KANSL3: variants seen among roughly 807,000 people sequenced by gnomAD.
KANSL3 encodes KAT8 regulatory NSL complex subunit 3.
A neutral mutation model predicts 89.2 loss-of-function variants in KANSL3; 16 were observed. The ratio of observed to expected loss-of-function variants is 0.18; its 90% CI spans 0.12 to 0.27. The LOEUF is 0.27. KANSL3 is among the 10% of genes least tolerant of loss of function. The pLI, the probability that KANSL3 is intolerant of heterozygous loss-of-function variation, is 1.00. For missense variants in KANSL3, 879 were observed against 1,110.6 expected (o/e 0.79, Z 2.96); for synonymous variants, 385 against 419.7 (o/e 0.92, Z 1.01).
chr2:96,628,308 A>G, intron 3 of KANSL3: 1 of 940,678 alleles, frequency 1.1e-6, no homozygotes, highest in Non-Finnish European at 1.3e-6. Context: ...CACTCTGGCC[A>G]GGCCACCCCA....
chr2:96,602,463 C>T lies in KANSL3; in HGVS notation c.2260-125G>A, dbSNP rs566452798. On this transcript the variant is annotated intron_variant, in intron 18 of 20. Transcript: ENST00000431828. ...GAGTGCCTACTACATGCAAGGTACT[C>T]TTCCAGGCATTTTGCATATATTATT... is the stretch of plus-strand genomic sequence containing the variant. 16 of 715,338 alleles carry T rather than the reference C, an allele frequency of 2.2e-5. 1 individual carries two copies. The South Asian group carries it at 2.3e-4, about 10-fold the overall frequency. The allele number at this position is 715,338 out of a possible 1,614,324, so 44.3% of individuals were successfully genotyped here.
Position 96,609,010 on chromosome 2 carries a change from C to G in KANSL3, c.1438G>C (p.Gly480Arg). The G allele has an allele frequency of 6.4e-7, 1 of 1,565,652 alleles. No homozygotes were observed. Among genetic ancestry groups the G allele is most frequent in the Non-Finnish European group, 8.7e-7 (1 of 1,154,830 alleles). ...GVLTRAEGHM[G>R]SEPRDQDAEK... ...GCATCCTGATCCCGAGGTTCAGAGC[C>G]CATGTGACCCTCAGCACGAGTGAGC... Residue 480 changes from glycine to arginine, a missense_variant, in exon 13 of 21, where the codon GGC becomes CGC. This residue lies in a region of KANSL3 where 317 missense variants were observed against 311.2 expected (regional missense o/e 1.02). Transcript: ENST00000431828.
downstream of KANSL3, among the ~76,000 whole-genome samples, chr2:96,592,965 T>G (rs1336117535): frequency 2.0e-5 from 3 of 151,646 alleles, no homozygotes; most frequent in African/African-American, 7.3e-5. Flanking sequence ...ATCGCGCCAT[T>G]GCACTCCAGC....
chr2:96,605,409 G>T lies in KANSL3; in HGVS notation c.1844C>A (p.Ser615Tyr). 2.5e-6 allele frequency: 4 copies of T among 1,613,992 alleles called. No homozygotes were observed. The highest frequency in any genetic ancestry group is 3.4e-6 in the Non-Finnish European group (4 of 1,179,882). Residue 615 changes from serine (S) to tyrosine (Y), a missense_variant, in exon 15 of 21, where the codon TCC becomes TAC. By Grantham distance (144) the Ser-to-Tyr change is moderately radical. Around this residue, in one of 6 missense-constraint regions of KANSL3, gnomAD observed 317 missense variants for 311.2 expected, o/e 1.02. Coordinates refer to ENST00000431828, the MANE Select transcript of KANSL3 (RefSeq NM_001115016.3). ...GGACACCTTGATCTTCGGTCGTTTG[G>T]AGGTCTTACTGCCAGGAAGGGGACT... Reference protein sequence around the residue: ...PSSPLPGSKTSKRPKIKVSLI... With the variant: ...PSSPLPGSKTYKRPKIKVSLI...
Position 96,626,378 on chromosome 2 carries a change from GAGGGAC to G in KANSL3, c.386+4928_386+4933del, listed in dbSNP as rs201655058. ...AATAAAGAGGGTGGGGGAGGGGAAGGAGGGACGATAACTCAAAGACCTTGGACTTAA... is the reference window on the plus strand; with the variant it reads ...AATAAAGAGGGTGGGGGAGGGGAAGGGATAACTCAAAGACCTTGGACTTAA... On this transcript the variant is annotated intron_variant, in intron 3 of 20. Transcript: ENST00000431828. Among the ~76,000 whole-genome samples, 751 of 152,068 alleles carry G rather than the reference GAGGGAC, an allele frequency of 4.9e-3. 4 individuals are homozygous for G. Among genetic ancestry groups the G allele is most frequent in the African/African-American group, 0.017 (719 of 41,454 alleles).
chr2:96,593,161 C>T, downstream of KANSL3: 1 of 438,192 alleles, frequency 2.3e-6, no homozygotes, highest in Admixed American at 2.5e-5. Flanking sequence ...GAAGCTGAAG[C>T]AATCCAAATG....
chr2:96,604,315 G>A lies in KANSL3; in HGVS notation c.2084C>T (p.Ala695Val), dbSNP rs2067638084. Reference protein sequence around the residue: ...PVPSVVSSSTAPSALHTLQSR... With the variant: ...PVPSVVSSSTVPSALHTLQSR... Reference sequence around the variant, plus strand: ...CTGCAGTGTGTGCAAGGCACTGGGTGCAGTGCTGCTGGAGACCACTGAAGG... The same window carrying A: ...CTGCAGTGTGTGCAAGGCACTGGGTACAGTGCTGCTGGAGACCACTGAAGG... The change falls in exon 17 of 21, where the codon GCA (alanine) becomes GTA (valine). Residue 695 changes from alanine (A) to valine (V), a missense_variant. Ala to Val is a moderately conservative substitution (Grantham distance 64). Around this residue, in one of 6 missense-constraint regions of KANSL3, gnomAD observed 317 missense variants for 311.2 expected, o/e 1.02. Transcript: ENST00000431828. The A allele has an allele frequency of 3.7e-6, 6 of 1,613,076 alleles. No individual in the cohort carries two copies. Among genetic ancestry groups the A allele is most frequent in the South Asian group, 1.1e-5 (1 of 91,080 alleles).
In KANSL3 at chr2:96,594,284, T is replaced by A. The variant is rs2066390999; in HGVS notation, c.*1327A>T. The A allele has an allele frequency of 6.6e-6, 1 of 152,234 alleles. No homozygotes were observed. Among genetic ancestry groups the A allele is most frequent in the Non-Finnish European group, 1.5e-5 (1 of 68,048 alleles). The allele number at this position is 152,234 out of a possible 1,614,324, so 9.4% of individuals were successfully genotyped here. Reference sequence around the variant, plus strand: ...GTGGAGTCACACTTGGGTTGCCTAATTTATTACCTTAACTAGAAACATTCT... The same window carrying A: ...GTGGAGTCACACTTGGGTTGCCTAAATTATTACCTTAACTAGAAACATTCT... On this transcript the variant is annotated 3_prime_UTR_variant, in exon 21 of 21. Transcript: ENST00000431828.
At chr2:96,581,974 T>C in the KANSL3 span, among the ~76,000 whole-genome samples, 1 of 152,218 alleles carries the variant, frequency 6.6e-6, no homozygotes, top group Non-Finnish European at 1.5e-5. Context: ...GGGGCCTCTT[T>C]CCTCTTGTCC....
In KANSL3 at chr2:96,593,674, G is replaced by T. The variant is rs2066358201; in HGVS notation, c.*1937C>A. ...ATTTATCATAAAGGCAGGTCGGCTTGTTAGTTTTTCTTTGTCCCCAGCATA... is the reference window on the plus strand; with the variant it reads ...ATTTATCATAAAGGCAGGTCGGCTTTTTAGTTTTTCTTTGTCCCCAGCATA... On this transcript the variant is annotated 3_prime_UTR_variant, in exon 21 of 21. Coordinates refer to ENST00000431828, the MANE Select transcript of KANSL3 (RefSeq NM_001115016.3). 9.3e-6 allele frequency: 2 copies of T among 215,220 alleles called. No individual in the cohort carries two copies. The highest frequency in any genetic ancestry group is 2.3e-5 in the African/African-American group (1 of 43,982). The allele number at this position is 215,220 out of a possible 1,614,324, so 13.3% of individuals were successfully genotyped here.
Position 96,610,813 on chromosome 2 carries a change from C to T in KANSL3, c.1232G>A (p.Cys411Tyr). 1 of 1,613,970 alleles carries T rather than the reference C, an allele frequency of 6.2e-7. No individual in the cohort carries two copies. Among genetic ancestry groups the T allele is most frequent in the African/African-American group, 1.3e-5 (1 of 75,038 alleles). Residue 411 changes from cysteine (C) to tyrosine (Y), a missense_variant, in exon 11 of 21, where the codon TGT (cysteine) becomes TAT (tyrosine). Around this residue, in one of 6 missense-constraint regions of KANSL3, gnomAD observed 198 missense variants for 260.3 expected, o/e 0.76. Coordinates refer to ENST00000431828, the MANE Select transcript of KANSL3 (RefSeq NM_001115016.3). ...LFVIGQNSLQCHPEAMEDFRE... is the reference protein window; with the variant it reads ...LFVIGQNSLQYHPEAMEDFRE... ...GAAGTCCTCCATGGCTTCAGGGTGA[C>T]ATTGAAGGGAATTCTGACCAATGAC...
At chr2:96,614,437 T>G (rs912129214) in intron 5 of KANSL3, among the ~76,000 whole-genome samples, 1 of 152,180 alleles carries the variant, frequency 6.6e-6, no homozygotes, top group African/African-American at 2.4e-5. Context: ...AGAAATAATT[T>G]TGCTAAAATG....
Position 96,594,514 on chromosome 2 carries a change from AG to A in KANSL3, c.*1096del, listed in dbSNP as rs1348944794. The A allele has an allele frequency of 6.6e-6, 1 of 152,236 alleles. No homozygotes were observed. Among genetic ancestry groups the A allele is most frequent in the Non-Finnish European group, 1.5e-5 (1 of 68,054 alleles). The allele number at this position is 152,236 out of a possible 1,614,324, so 9.4% of individuals were successfully genotyped here. ...GTCAATCATCTTCCCACTTGTAAGC[AG>A]GAAGACAAAAAGTCTCATGAAATAG... On this transcript the variant is annotated 3_prime_UTR_variant, in exon 21 of 21. Coordinates refer to ENST00000431828, the MANE Select transcript of KANSL3 (RefSeq NM_001115016.3).
intron 5 of KANSL3, among the ~76,000 whole-genome samples, chr2:96,617,982 C>CAA (rs540064575): frequency 2.9e-4 from 21 of 71,796 alleles, no homozygotes; most frequent in Admixed American, 6.3e-4. Context: ...GACTTTGTCT[C>CAA]AAAAAAAAAA....
intron 2 of KANSL3, among the ~76,000 whole-genome samples, chr2:96,636,487 T>C (rs900450305): frequency 2.0e-5 from 3 of 152,204 alleles, no homozygotes; most frequent in Admixed American, 1.3e-4. Context: ...CCTTCGTGTG[T>C]GAAACCAAGA....
chr2:96,595,043 T>C lies in KANSL3; in HGVS notation c.*568A>G, dbSNP rs1055934144. 1.3e-5 allele frequency: 2 copies of C among 152,498 alleles called. No homozygotes were observed. The highest frequency in any genetic ancestry group is 2.4e-5 in the African/African-American group (1 of 41,424). 9.4% of individuals were successfully genotyped at this position (152,498 alleles called of 1,614,324 possible). A position where few individuals can be genotyped will look rare whatever the true frequency, so the allele number is the denominator to read the frequency against. On this transcript the variant is annotated 3_prime_UTR_variant, in exon 21 of 21. Coordinates refer to ENST00000431828, the MANE Select transcript of KANSL3 (RefSeq NM_001115016.3). ...CAAGCTACTCAGTATCTGACGTGGT[T>C]TCTAAGGTGGAGTTGCATGGGGAGC...
intron 20 of KANSL3, among the ~76,000 whole-genome samples, chr2:96,598,454 C>T (rs1253033438): frequency 1.3e-5 from 2 of 152,098 alleles, no homozygotes; most frequent in African/African-American, 2.4e-5. Flanking sequence ...TTTTGAAATG[C>T]TTAGCTTCTT....
the KANSL3 span, among the ~76,000 whole-genome samples, chr2:96,587,120 G>C: frequency 3.3e-5 from 5 of 152,138 alleles, no homozygotes; most frequent in Admixed American, 2.0e-4. Flanking sequence ...TTAGTTTTTG[G>C]GGGGTGGTGT....
At chr2:96,612,981 C>T (rs1189027574) in intron 6 of KANSL3, 47 bp from the exon 7 acceptor site, 1 of 1,301,472 alleles carries the variant, frequency 7.7e-7, no homozygotes, top group Non-Finnish European at 1.1e-6. Context: ...GAGAAGTGTC[C>T]TTTCATGAAA....
Sources: gnomAD v4.1 joint callset for allele counts (sites outside exome capture counted in the v4.1 genomes callset) on GRCh38, gnomAD v4.1.1 for gene constraint, gnomAD v4.1.1 regional missense constraint, MANE v1.5 for transcripts, NCBI Gene and HGNC (gene_info 2026-07-23, HGNC 2026-07-21) for gene names.